Variants in IL20RB observed in about 807,000 individuals in gnomAD.
IL20RB encodes the protein interleukin-20 receptor subunit beta.
In IL20RB, 21 loss-of-function variants were observed where a neutral mutation model predicts 33.3. The observed-to-expected ratio is 0.63, with a 90% CI of 0.45 to 0.91. The LOEUF is 0.91. Ranked by LOEUF, IL20RB falls within the 40% of genes least tolerant of loss-of-function variation. The pLI is 0.00. For missense variants in IL20RB, 345 were observed against 384.8 expected, an observed-to-expected ratio of 0.90 and a Z score of 0.86; for synonymous variants, 147 against 146.8, an observed-to-expected ratio of 1.00 and a Z score of -0.01.
intron 1 of IL20RB, among the ~76,000 whole-genome samples, chr3:136,964,427 C>T (rs1396727517): frequency 2.1e-5 from 2 of 95,690 alleles, no homozygotes; most frequent in Non-Finnish European, 4.1e-5. Flanking sequence ...TTTTGATTTG[C>T]ATTTCTCTGA....
chr3:137,008,867 G>A (rs1000472503), intron 6 of IL20RB, among the ~76,000 whole-genome samples: 18 of 152,082 alleles, frequency 1.2e-4, no homozygotes, highest in Non-Finnish European at 2.9e-5. Context: ...TTTAAAATGT[G>A]CTACGAGATT....
At chr3:136,991,375 C>A (rs1007978227) in intron 4 of IL20RB, among the ~76,000 whole-genome samples, 1 of 152,174 alleles carries the variant, frequency 6.6e-6, no homozygotes, top group Non-Finnish European at 1.5e-5. Context: ...ATGTAAGCCC[C>A]ATGAGAGCAA....
intron 6 of IL20RB, among the ~76,000 whole-genome samples, chr3:136,999,049 C>T (rs1942189451): frequency 6.6e-6 from 1 of 152,028 alleles, no homozygotes. Flanking sequence ...TGAATCTGTA[C>T]ATGTATATAT....
intron 1 of IL20RB, among the ~76,000 whole-genome samples, chr3:136,976,929 A>G (rs1242732550): frequency 6.6e-6 from 1 of 152,172 alleles, no homozygotes; most frequent in African/African-American, 2.4e-5. Flanking sequence ...TCTCACGGTC[A>G]GGACTACATG....
At chr3:136,991,488 T>A (rs1157066417) in intron 4 of IL20RB, among the ~76,000 whole-genome samples, 1 of 152,262 alleles carries the variant, frequency 6.6e-6, no homozygotes, top group Non-Finnish European at 1.5e-5. Context: ...AGTGCCTGAA[T>A]GAATGTATGT....
intron 1 of IL20RB, among the ~76,000 whole-genome samples, chr3:136,961,796 G>A (rs768386709): frequency 6.6e-6 from 1 of 152,090 alleles, no homozygotes; most frequent in African/African-American, 2.4e-5. Flanking sequence ...TTGGGTGAAG[G>A]ATGTATAGGA....
chr3:137,004,634 C>T (rs1484570524), intron 6 of IL20RB, among the ~76,000 whole-genome samples: 3 of 151,936 alleles, frequency 2.0e-5, no homozygotes, highest in South Asian at 2.1e-4. Context: ...TTTTTTGTTG[C>T]GTCTATTTGA....
chr3:137,010,043 T>G (rs911567787), intron 6 of IL20RB, 70 bp from the exon 7 acceptor site: 2 of 770,218 alleles, frequency 2.6e-6, no homozygotes, highest in Non-Finnish European at 4.5e-6. Context: ...TAGTTAAAAA[T>G]GTAATAATAT....
At chr3:136,981,652 C>G (rs967311231) in intron 2 of IL20RB, among the ~76,000 whole-genome samples, 1 of 152,136 alleles carries the variant, frequency 6.6e-6, no homozygotes, top group Non-Finnish European at 1.5e-5. Flanking sequence ...GGTCCTAAGG[C>G]AAAAAGTGCT....
chr3:136,996,877 T>C lies in IL20RB; in HGVS notation c.825+1321T>C, dbSNP rs190827965. On this transcript the variant is annotated intron_variant, in intron 6 of 6. Transcript: ENST00000329582. ...CCTGGGAAACAGGGTGGGCCTTTATTACCCTTTAGCAAGAACGTGAGGGTC... is the reference window on the plus strand; with the variant it reads ...CCTGGGAAACAGGGTGGGCCTTTATCACCCTTTAGCAAGAACGTGAGGGTC... 2.2e-3 allele frequency among the ~76,000 whole-genome samples: 331 copies of C among 152,314 alleles called. 2 individuals carry two copies. Among genetic ancestry groups the C allele is most frequent in the African/African-American group, 6.9e-3 (288 of 41,572 alleles).
intron 4 of IL20RB, among the ~76,000 whole-genome samples, chr3:136,990,579 T>G (rs1336568309): frequency 6.6e-6 from 1 of 152,214 alleles, no homozygotes; most frequent in Non-Finnish European, 1.5e-5. Flanking sequence ...CTCTCGGTAT[T>G]CAGTTTCCCA....
chr3:136,998,416 T>A (rs761767102), intron 6 of IL20RB, among the ~76,000 whole-genome samples: 4 of 151,420 alleles, frequency 2.6e-5, no homozygotes, highest in Non-Finnish European at 4.4e-5. Context: ...TTTACCCACA[T>A]ATTTACCATT....
intron 1 of IL20RB, among the ~76,000 whole-genome samples, chr3:136,972,351 C>T (rs1332519938): frequency 6.6e-6 from 1 of 152,126 alleles, no homozygotes. Context: ...CCATTTGTCT[C>T]TGATTTTTGC....
At chr3:136,968,855 T>C in intron 1 of IL20RB, among the ~76,000 whole-genome samples, 1 of 28,676 alleles carries the variant, frequency 3.5e-5, no homozygotes, top group Non-Finnish European at 5.8e-5. Flanking sequence ...TTGATGATGG[T>C]GATGTACACA....
chr3:137,009,671 C>T (rs889045298), intron 6 of IL20RB, among the ~76,000 whole-genome samples: 1 of 152,076 alleles, frequency 6.6e-6, no homozygotes, highest in African/African-American at 2.4e-5. Flanking sequence ...TCACGAGTAG[C>T]TGGGACCACA....
chr3:136,989,682 G>T, intron 4 of IL20RB, 117 bp downstream of exon 4: 1 of 1,157,744 alleles, frequency 8.6e-7, no homozygotes. Context: ...GAGCAGTCCT[G>T]GGTGAAGTGT....
intron 6 of IL20RB, among the ~76,000 whole-genome samples, chr3:137,004,152 G>A (rs562269830): frequency 3.0e-4 from 46 of 152,292 alleles, no homozygotes; most frequent in African/African-American, 1.1e-3. Context: ...TGTGCTGCTG[G>A]ATTTGGTTTG....
chr3:136,983,020 CT>C (rs1941818361), intron 3 of IL20RB, among the ~76,000 whole-genome samples: 1 of 151,578 alleles, frequency 6.6e-6, no homozygotes, highest in African/African-American at 2.4e-5. Context: ...TGGTGAAGGG[CT>C]TTGACACGAA....
intron 6 of IL20RB, among the ~76,000 whole-genome samples, chr3:136,999,732 T>C (rs1942204328): frequency 6.6e-6 from 1 of 152,192 alleles, no homozygotes; most frequent in East Asian, 1.9e-4. Flanking sequence ...TATCTTCTTG[T>C]TCACTGACTC....
Sources: allele counts gnomAD v4.1 joint callset (sites outside exome capture counted in the v4.1 genomes callset), GRCh38; gene constraint gnomAD v4.1.1; transcripts MANE v1.5; gene names NCBI Gene and HGNC (gene_info 2026-07-23, HGNC 2026-07-21).